Variants in NRXN1 observed in about 807,000 individuals in gnomAD.
NRXN1 encodes the protein neurexin 1, also known as neurexin-1.
In NRXN1, 39 loss-of-function variants were observed where a neutral mutation model predicts 150.9. That is an observed-to-expected ratio of 0.26 (90% CI 0.20 to 0.34). The LOEUF is 0.34. Among genes scored for constraint, NRXN1 ranks in the 10% least tolerant of loss-of-function variants. NRXN1 has a pLI of 1.00. For synonymous variants in NRXN1, 924 were observed against 757.0 expected, an observed-to-expected ratio of 1.22 and a Z score of -3.62; for missense variants, 1,815 against 1,949.9, an observed-to-expected ratio of 0.93 and a Z score of 1.30.
intron 5 of NRXN1, among the ~76,000 whole-genome samples, chr2:50,658,770 T>C (rs1055390912): frequency 9.2e-5 from 14 of 151,970 alleles, no homozygotes; most frequent in Non-Finnish European, 1.8e-4. Context: ...GCTACACTAG[T>C]AAAGGTGCTT....
At chr2:50,666,838 TA>T (rs1478755888) in intron 5 of NRXN1, among the ~76,000 whole-genome samples, 2 of 135,722 alleles carry the variant, frequency 1.5e-5, no homozygotes, top group Non-Finnish European at 3.1e-5. Flanking sequence ...GAGCATAAAA[TA>T]ATGATGATGA....
At chr2:50,523,904 C>T (rs1411971328) in intron 12 of NRXN1, among the ~76,000 whole-genome samples, 2 of 152,154 alleles carry the variant, frequency 1.3e-5, no homozygotes, top group Admixed American at 6.5e-5. Context: ...CTCTTAAATA[C>T]ACTATTTTCT....
intron 5 of NRXN1, among the ~76,000 whole-genome samples, chr2:50,733,161 G>T (rs1698304910): frequency 6.6e-6 from 1 of 152,104 alleles, no homozygotes; most frequent in Non-Finnish European, 1.5e-5. Flanking sequence ...ACACAACAGG[G>T]AAACATTTGT....
At chr2:50,577,621 A>G (rs1671634323) in intron 8 of NRXN1, among the ~76,000 whole-genome samples, 1 of 152,140 alleles carries the variant, frequency 6.6e-6, no homozygotes, top group Non-Finnish European at 1.5e-5. Flanking sequence ...ATACTCCATT[A>G]TATCTATTGT....
chr2:50,973,869 C>A (rs1305512805), intron 2 of NRXN1, among the ~76,000 whole-genome samples: 2 of 151,986 alleles, frequency 1.3e-5, no homozygotes, highest in African/African-American at 4.8e-5. Context: ...AGATTTCTGG[C>A]TTTTGTAGTG....
At chr2:50,115,734 C>T (rs1289957353) in intron 18 of NRXN1, among the ~76,000 whole-genome samples, 6 of 151,998 alleles carry the variant, frequency 3.9e-5, no homozygotes, top group East Asian at 1.9e-4. Flanking sequence ...GGAAACTTTG[C>T]AATCTATGAC....
intron 5 of NRXN1, among the ~76,000 whole-genome samples, chr2:50,913,671 A>T (rs1684832242): frequency 6.6e-6 from 1 of 151,770 alleles, no homozygotes; most frequent in African/African-American, 2.4e-5. Context: ...CCTGTTTGAA[A>T]GTTAACACGA....
intron 18 of NRXN1, among the ~76,000 whole-genome samples, chr2:50,105,031 CATCA>C (rs1267575583): frequency 2.0e-5 from 3 of 152,018 alleles, no homozygotes; most frequent in Non-Finnish European, 4.4e-5. Context: ...GCAGCTAAAA[CATCA>C]ATCTAGTTAC....
chr2:50,726,063 A>G (rs934157146), intron 5 of NRXN1, among the ~76,000 whole-genome samples: 3 of 152,176 alleles, frequency 2.0e-5, no homozygotes, highest in Non-Finnish European at 4.4e-5. Context: ...ACAGTTTATG[A>G]TCTAGAGTCA....
At chr2:50,236,470 C>A (rs2065433332) in intron 18 of NRXN1, among the ~76,000 whole-genome samples, 1 of 150,610 alleles carries the variant, frequency 6.6e-6, no homozygotes, top group East Asian at 2.0e-4. Flanking sequence ...ATCTACTAGG[C>A]AATAACTTAT....
rs79859047 is a variant in NRXN1 at position 50,534,276 on chromosome 2, A to C, written c.2144-2846T>G. Among the ~76,000 whole-genome samples the C allele has an allele frequency of 4.7e-3, 715 of 152,304 alleles. 4 individuals are homozygous for C. The highest frequency in any genetic ancestry group is 0.016 in the African/African-American group (655 of 41,578). ...AAATATGTAATAAGGTCCACTTTGA[A>C]GGCCAAAATTGGGCTGCAGAAGATA... On this transcript the variant is annotated intron_variant, in intron 10 of 22. Coordinates refer to ENST00000401669, the MANE Select transcript of NRXN1 (RefSeq NM_001330078.2).
chr2:49,921,100 G>T lies in NRXN1; in HGVS notation c.*844C>A, dbSNP rs1376305279. On this transcript the variant is annotated 3_prime_UTR_variant, in exon 23 of 23. Coordinates refer to ENST00000401669, the MANE Select transcript of NRXN1 (RefSeq NM_001330078.2). ...TATAACATTGAATTTACCAAAAATGGCTGAAGAGCAGAGATATATTTTGCA... is the reference window on the plus strand; with the variant it reads ...TATAACATTGAATTTACCAAAAATGTCTGAAGAGCAGAGATATATTTTGCA... 6.6e-6 allele frequency: 1 copy of T among 152,450 alleles called. No homozygotes were observed. The highest frequency in any genetic ancestry group is 1.5e-5 in the Non-Finnish European group (1 of 68,008). 9.4% of individuals were successfully genotyped at this position (152,450 alleles called of 1,614,324 possible).
chr2:50,243,353 G>A (rs761876130), intron 17 of NRXN1, among the ~76,000 whole-genome samples: 12 of 151,650 alleles, frequency 7.9e-5, no homozygotes, highest in South Asian at 2.1e-4. Context: ...TGGGAAGTTT[G>A]TCATATATAG....
chr2:50,645,511 G>A (rs573047841), intron 5 of NRXN1, among the ~76,000 whole-genome samples: 3 of 151,916 alleles, frequency 2.0e-5, no homozygotes, highest in African/African-American at 4.8e-5. Context: ...CCATGAAAAC[G>A]TGAGCTCCAT....
At chr2:50,871,325 A>G (rs980144197) in intron 5 of NRXN1, among the ~76,000 whole-genome samples, 1 of 151,800 alleles carries the variant, frequency 6.6e-6, no homozygotes, top group Non-Finnish European at 1.5e-5. Context: ...GTTTTTTCTA[A>G]AAAGCCCTAT....
At chr2:50,823,377 A>C (rs1042565805) in intron 5 of NRXN1, among the ~76,000 whole-genome samples, 1 of 152,154 alleles carries the variant, frequency 6.6e-6, no homozygotes, top group Non-Finnish European at 1.5e-5. Flanking sequence ...TTTTCTGGAA[A>C]AAATAATAAA....
At chr2:50,612,379 T>C (rs1265073303) in intron 8 of NRXN1, among the ~76,000 whole-genome samples, 1 of 152,164 alleles carries the variant, frequency 6.6e-6, no homozygotes, top group Non-Finnish European at 1.5e-5. Context: ...AAAACTTGTT[T>C]TTTTTCTTCT....
chr2:50,912,692 T>C (rs149176791), intron 5 of NRXN1, among the ~76,000 whole-genome samples: 7 of 151,214 alleles, frequency 4.6e-5, no homozygotes, highest in Non-Finnish European at 8.9e-5. Context: ...GGAAGTGAGC[T>C]ACTTGAACAT....
intron 21 of NRXN1, among the ~76,000 whole-genome samples, chr2:50,016,175 C>G (rs1433390408): frequency 6.6e-6 from 1 of 151,948 alleles, no homozygotes; most frequent in Non-Finnish European, 1.5e-5. Context: ...AGGTAAAGTC[C>G]TACCTAGACT....
Sources: gnomAD v4.1 joint callset for allele counts (sites outside exome capture counted in the v4.1 genomes callset) on GRCh38, gnomAD v4.1.1 for gene constraint, MANE v1.5 for transcripts, NCBI Gene and HGNC (gene_info 2026-07-23, HGNC 2026-07-21) for gene names.